Variants in SARNP observed in about 807,000 individuals in gnomAD.
SARNP encodes the protein SAP domain-containing ribonucleoprotein.
A neutral mutation model predicts 38.1 loss-of-function variants in SARNP; 5 were observed. That is an observed-to-expected ratio of 0.13 (90% CI 0.07 to 0.28). SARNP has a LOEUF of 0.28. Ranked by LOEUF, SARNP falls within the 10% of genes least tolerant of loss-of-function variation. The pLI, the probability that SARNP is intolerant of heterozygous loss-of-function variation, is 1.00. For missense variants in SARNP, 180 were observed against 243.9 expected (o/e 0.74, Z 1.75); for synonymous variants, 84 against 80.6 (o/e 1.04, Z -0.23).
chr12:55,759,685 C>T (rs1878617410), intron 10 of SARNP, among the ~76,000 whole-genome samples: 1 of 152,176 alleles, frequency 6.6e-6, no homozygotes, highest in African/African-American at 2.4e-5. Context: ...AGGTAATCTG[C>T]CTGCCTCAGC....
chr12:55,801,139 T>C (rs937284769), intron 2 of SARNP, among the ~76,000 whole-genome samples: 5 of 152,190 alleles, frequency 3.3e-5, no homozygotes, highest in Non-Finnish European at 5.9e-5. Context: ...AACTAGAGAA[T>C]TAATTTTAAA....
In SARNP at chr12:55,795,830, A is replaced by G. The variant is rs188105507; in HGVS notation, c.303+195T>C. 3.3e-5 allele frequency among the ~76,000 whole-genome samples: 5 copies of G among 152,344 alleles called. No individual in the cohort carries two copies. In the South Asian group the frequency reaches 6.2e-4, roughly 19 times the overall value. Reference sequence around the variant, plus strand: ...TAATATTACATATAAAAAGACTACAACTTCAAGAATGACTACCCCTACGCC... The same window carrying G: ...TAATATTACATATAAAAAGACTACAGCTTCAAGAATGACTACCCCTACGCC... On this transcript the variant is annotated intron_variant, in intron 5 of 10. Coordinates refer to ENST00000336133, the MANE Select transcript of SARNP (RefSeq NM_033082.4).
At chr12:55,787,738 T>C (rs1291364218) in intron 9 of SARNP, among the ~76,000 whole-genome samples, 1 of 145,960 alleles carries the variant, frequency 6.9e-6, no homozygotes, top group East Asian at 2.0e-4. Context: ...GACTGATTTT[T>C]TTCTTTCTTT....
At position 55,789,091 on chromosome 12, in the gene SARNP, G is replaced by A. The variant is rs1185268168; in HGVS notation, c.485C>T (p.Ser162Phe). The A allele has an allele frequency of 4.4e-6, 7 of 1,604,566 alleles. No individual in the cohort carries two copies. Among genetic ancestry groups the A allele is most frequent in the Non-Finnish European group, 6.0e-6 (7 of 1,175,832 alleles). The change falls in exon 9 of 11, where the codon TCT becomes TTT. Residue 162 changes from serine (S) to phenylalanine (F), a missense_variant. Transcript: ENST00000336133. ...CTACATTACCTTTCTGGAGATTGAA[G>A]AGACATTCAAACCAAATCTTTGAGC... ...ERAQRFGLNV[S>F]SISRKSEDDE... is the part of the protein sequence containing the mutation.
intron 2 of SARNP, 56 bp from the exon 3 acceptor site, chr12:55,800,956 T>C: frequency 7.2e-7 from 1 of 1,395,222 alleles, no homozygotes; most frequent in Non-Finnish European, 1.0e-6. Context: ...TCTTGATCAC[T>C]TACCAAGGTT....
At chr12:55,814,777 G>T (rs1215405138) in intron 1 of SARNP, among the ~76,000 whole-genome samples, 1 of 151,974 alleles carries the variant, frequency 6.6e-6, no homozygotes, top group Non-Finnish European at 1.5e-5. Context: ...GCTGAGGCAC[G>T]GGAATTGCTT....
chr12:55,762,720 G>T (rs1328387927), intron 9 of SARNP: 1 of 152,256 alleles, frequency 6.6e-6, no homozygotes, highest in East Asian at 1.9e-4. Context: ...GTAACAAAAA[G>T]ACCTACAGAA....
intron 9 of SARNP, among the ~76,000 whole-genome samples, chr12:55,777,255 A>G (rs1330048482): frequency 6.6e-6 from 1 of 152,204 alleles, no homozygotes; most frequent in African/African-American, 2.4e-5. Context: ...CTAAACATCT[A>G]ACATAACTTT....
At chr12:55,799,697 G>A (rs1879923985) in intron 4 of SARNP, among the ~76,000 whole-genome samples, 1 of 150,378 alleles carries the variant, frequency 6.6e-6, no homozygotes, top group African/African-American at 2.4e-5. Context: ...GGAATTACAG[G>A]TGCCCTCCAC....
intron 4 of SARNP, among the ~76,000 whole-genome samples, chr12:55,799,740 G>A (rs1425550521): frequency 2.0e-5 from 3 of 151,024 alleles, no homozygotes; most frequent in Admixed American, 2.0e-4. Flanking sequence ...TTTTAGAAGA[G>A]ACAGGGTTTC....
chr12:55,756,259 C>T (rs1878502713), downstream of SARNP: 1 of 152,190 alleles, frequency 6.6e-6, no homozygotes, highest in South Asian at 2.1e-4. Flanking sequence ...CTTTTGTTCA[C>T]TTCTCCAAAG....
At chr12:55,811,605 A>AAACAAACC (rs1555174359) in intron 1 of SARNP, among the ~76,000 whole-genome samples, 3 of 149,562 alleles carry the variant, frequency 2.0e-5, no homozygotes, top group South Asian at 2.1e-4. Context: ...ACAAACAAAC[A>AAACAAACC]AACCACAGCT....
chr12:55,768,407 G>A (rs2136181651), intron 9 of SARNP, among the ~76,000 whole-genome samples: 1 of 151,804 alleles, frequency 6.6e-6, no homozygotes, highest in South Asian at 2.1e-4. Context: ...TGGGATTACA[G>A]GCATGAGCCA....
At chr12:55,810,451 ATTT>A (rs199532602) in intron 1 of SARNP, among the ~76,000 whole-genome samples, 1 of 136,036 alleles carries the variant, frequency 7.4e-6, no homozygotes. Context: ...CTGACCTTGA[ATTT>A]TTTTTTTTTT....
At chr12:55,808,100 T>C (rs570304436) in intron 1 of SARNP, among the ~76,000 whole-genome samples, 1 of 152,340 alleles carries the variant, frequency 6.6e-6, no homozygotes, top group East Asian at 1.9e-4. Flanking sequence ...ACACAGCTTT[T>C]ACATAGTTGT....
chr12:55,753,061 G>A (rs1466617727), downstream of SARNP: 1 of 152,154 alleles, frequency 6.6e-6, no homozygotes, highest in Non-Finnish European at 1.5e-5. Context: ...AAGGAAGGAT[G>A]GAAAGAGGAC....
intron 5 of SARNP, 77 bp from the exon 6 acceptor site, chr12:55,794,957 TAAAAAAAAAAAAAAAA>T: frequency 6.9e-6 from 1 of 145,276 alleles, no homozygotes. Flanking sequence ...TAGGTATCTT[TAAAAAAAAAAAAAAAA>T]AAAAAAAAAA....
chr12:55,753,050 C>T (rs1878375408), downstream of SARNP: 1 of 152,084 alleles, frequency 6.6e-6, no homozygotes, highest in South Asian at 2.1e-4. Flanking sequence ...ACATGCAGGC[C>T]AAGGAAGGAT....
chr12:55,766,959 A>G (rs984571283), intron 9 of SARNP, among the ~76,000 whole-genome samples: 2 of 152,130 alleles, frequency 1.3e-5, no homozygotes, highest in African/African-American at 2.4e-5. Context: ...CCCAGGGTCT[A>G]TATTTAATAA....
Sources: gnomAD v4.1 joint callset for allele counts (sites outside exome capture counted in the v4.1 genomes callset) on GRCh38, gnomAD v4.1.1 for gene constraint, MANE v1.5 for transcripts, NCBI Gene and HGNC (gene_info 2026-07-23, HGNC 2026-07-21) for gene names.